IHO1: variants seen among roughly 807,000 people sequenced by gnomAD.
IHO1 encodes interactor of HORMAD1 1, also known as interactor of HORMAD1 protein 1.
A neutral mutation model predicts 31.0 loss-of-function variants in IHO1; 13 were observed. The observed-to-expected ratio is 0.42, with a 90% CI of 0.27 to 0.67. The LOEUF (loss-of-function observed/expected upper bound fraction) is 0.67, where lower values mean the gene tolerates loss of function less well. IHO1 is among the 30% of genes least tolerant of loss of function. IHO1 has a pLI of 0.24. For missense variants in IHO1, 599 were observed against 687.5 expected (o/e 0.87, Z 1.44); for synonymous variants, 221 against 248.4 (o/e 0.89, Z 1.04).
chr3:49,220,659 G>A (rs2046343295), intron 2 of IHO1, among the ~76,000 whole-genome samples: 1 of 152,068 alleles, frequency 6.6e-6, no homozygotes, highest in Non-Finnish European at 1.5e-5. Context: ...ATGAGGTCAG[G>A]AGATCAAGAC....
At position 49,223,922 on chromosome 3, in the gene IHO1, A is replaced by G. The variant is rs537833567; in HGVS notation, c.56+12086A>G. 3.3e-4 allele frequency among the ~76,000 whole-genome samples: 50 copies of G among 152,260 alleles called. No individual in the cohort carries two copies. The South Asian group carries it at 6.4e-3, about 20-fold the overall frequency. ...CCAGTCCTCTCCAGGATAGTGACCT[A>G]TTCTTTGTTCCCCCAAAGGGACCTT... is the stretch of plus-strand genomic sequence containing the variant. On this transcript the variant is annotated intron_variant, in intron 2 of 7. Coordinates refer to ENST00000452691, the MANE Select transcript of IHO1 (RefSeq NM_001135197.2).
intron 3 of IHO1, among the ~76,000 whole-genome samples, chr3:49,237,011 A>C (rs2046567329): frequency 6.6e-6 from 1 of 151,834 alleles, no homozygotes; most frequent in Non-Finnish European, 1.5e-5. Flanking sequence ...TGATTCTGCC[A>C]GTGTACTCCA....
chr3:49,197,736 T>C (rs1285485641), upstream of IHO1, among the ~76,000 whole-genome samples: 1 of 152,002 alleles, frequency 6.6e-6, no homozygotes, highest in Non-Finnish European at 1.5e-5. Context: ...TAACTGGGTG[T>C]GGTGGCAGGC....
intron 1 of IHO1, among the ~76,000 whole-genome samples, chr3:49,205,766 A>ATTTT (rs71627374): frequency 1.7e-5 from 2 of 115,330 alleles, no homozygotes; most frequent in Non-Finnish European, 3.4e-5. Flanking sequence ...CGCCTGGGCA[A>ATTTT]TTTTTTTTTT....
At chr3:49,197,059 C>A (rs1198966278), upstream of IHO1, among the ~76,000 whole-genome samples, 1 of 148,920 alleles carries the variant, frequency 6.7e-6, no homozygotes, top group Non-Finnish European at 1.5e-5. Flanking sequence ...CGGCTCACTG[C>A]AACCTCCGCC....
rs189464250 is a variant in IHO1 at position 49,255,146 on chromosome 3, G to A, written c.533-244G>A. Among the ~76,000 whole-genome samples, 15 of 152,222 alleles carry A rather than the reference G, an allele frequency of 9.9e-5. 1 individual carries two copies. The East Asian group carries it at 2.7e-3, about 27-fold the overall frequency. ...ATCACTCTGATGAGAGGGCCAAGAA[G>A]GAAGGCCACAGAAGCTTTTGTGCTG... On this transcript the variant is annotated intron_variant, in intron 6 of 7. Transcript: ENST00000452691.
chr3:49,222,032 C>T (rs1427525643), intron 2 of IHO1, among the ~76,000 whole-genome samples: 1 of 152,200 alleles, frequency 6.6e-6, no homozygotes, highest in Non-Finnish European at 1.5e-5. Flanking sequence ...TAGGTCTCAG[C>T]AGTTTTGGAG....
intron 3 of IHO1, among the ~76,000 whole-genome samples, chr3:49,240,695 A>T (rs986947909): frequency 6.6e-6 from 1 of 152,190 alleles, no homozygotes; most frequent in African/African-American, 2.4e-5. Flanking sequence ...TATGCTCTGA[A>T]ATAAGTATTT....
At chr3:49,231,800 GT>G (rs1342735168) in intron 2 of IHO1, among the ~76,000 whole-genome samples, 1 of 152,182 alleles carries the variant, frequency 6.6e-6, no homozygotes, top group Non-Finnish European at 1.5e-5. Flanking sequence ...TTTAACCCTT[GT>G]TAATGCCTCT....
chr3:49,243,072 C>T (rs1438334859), intron 4 of IHO1, among the ~76,000 whole-genome samples: 3 of 151,988 alleles, frequency 2.0e-5, no homozygotes, highest in Non-Finnish European at 4.4e-5. Flanking sequence ...CTCAACTAGG[C>T]CCCAGTGTCT....
intron 4 of IHO1, 149 bp downstream of exon 4, chr3:49,241,538 T>TACAC (rs142564164): frequency 1.8e-4 from 87 of 478,606 alleles, no homozygotes; most frequent in African/African-American, 4.8e-4. Flanking sequence ...TACACACACA[T>TACAC]ACACACACAC....
chr3:49,254,024 G>A (rs1413203446), intron 6 of IHO1, among the ~76,000 whole-genome samples: 1 of 151,948 alleles, frequency 6.6e-6, no homozygotes, highest in Non-Finnish European at 1.5e-5. Context: ...AGTAGAGACA[G>A]AATTTCATCA....
Position 49,241,247 on chromosome 3 carries a change from A to G in IHO1, c.253A>G (p.Lys85Glu). The change falls in exon 4 of 8, where the codon AAG (lysine) becomes GAG (glutamate). Residue 85 changes from lysine (K) to glutamate (E), a missense_variant. Physicochemically the swap from Lys to Glu is moderately conservative, Grantham distance 56. Coordinates refer to ENST00000452691, the MANE Select transcript of IHO1 (RefSeq NM_001135197.2). Reference protein sequence around the residue: ...YLEGEPSIFTKYQTKPQLFGG... With the variant: ...YLEGEPSIFTEYQTKPQLFGG... ...ACAGGGTGAACCTAGCATTTTCACA[A>G]AGTACCAGACAAAGCCCCAGCTGTT... is the stretch of plus-strand genomic sequence containing the variant. 6.2e-7 allele frequency: 1 copy of G among 1,601,480 alleles called. No homozygotes were observed. Among genetic ancestry groups the G allele is most frequent in the Admixed American group, 1.8e-5 (1 of 56,718 alleles).
intron 1 of IHO1, among the ~76,000 whole-genome samples, chr3:49,205,885 T>C (rs1467455253): frequency 4.0e-5 from 6 of 151,430 alleles, no homozygotes; most frequent in Admixed American, 1.3e-4. Context: ...TTCTCTTGCC[T>C]CAGCCTCCTG....
intron 1 of IHO1, among the ~76,000 whole-genome samples, chr3:49,205,027 C>G (rs79244691): frequency 7.4e-6 from 1 of 134,950 alleles, no homozygotes; most frequent in African/African-American, 2.7e-5. Flanking sequence ...GACTCCATCT[C>G]AAAAAAAAAA....
intron 1 of IHO1, among the ~76,000 whole-genome samples, chr3:49,205,027 CAA>C (rs1001881046): frequency 5.2e-5 from 7 of 134,866 alleles, no homozygotes; most frequent in African/African-American, 5.5e-5. Flanking sequence ...GACTCCATCT[CAA>C]AAAAAAAAAA....
intron 2 of IHO1, among the ~76,000 whole-genome samples, chr3:49,220,265 G>C (rs1393665806): frequency 6.6e-6 from 1 of 152,202 alleles, no homozygotes; most frequent in Non-Finnish European, 1.5e-5. Context: ...TTCCAAACTG[G>C]GGCATTTCCG....
chr3:49,208,898 T>C (rs934621958), intron 1 of IHO1, among the ~76,000 whole-genome samples: 1 of 152,172 alleles, frequency 6.6e-6, no homozygotes, highest in Non-Finnish European at 1.5e-5. Context: ...ATTGGAAAAC[T>C]CCATACTTCA....
intron 6 of IHO1, among the ~76,000 whole-genome samples, chr3:49,253,423 CAAAAAAAGAAAG>C (rs2046785834): frequency 6.6e-6 from 1 of 151,602 alleles, no homozygotes; most frequent in Non-Finnish European, 1.5e-5. Flanking sequence ...GATTCTGTCT[CAAAAAAAGAAAG>C]AAAGAAAGAA....
Sources: allele counts gnomAD v4.1 joint callset (sites outside exome capture counted in the v4.1 genomes callset), GRCh38; gene constraint gnomAD v4.1.1; transcripts MANE v1.5; gene names NCBI Gene and HGNC (gene_info 2026-07-23, HGNC 2026-07-21).